CYB5R2: variants seen among roughly 807,000 people sequenced by gnomAD.
CYB5R2 encodes the protein NADH-cytochrome b5 reductase 2.
Under a neutral mutation model 29.8 loss-of-function variants are expected in CYB5R2, and 35 were observed. The ratio of observed to expected loss-of-function variants is 1.17; its 90% CI spans 0.90 to 1.56. The LOEUF is 1.56. Ranked by LOEUF, CYB5R2 falls within the 40% of genes most tolerant of loss-of-function variation. The pLI is 0.00. For synonymous variants in CYB5R2, 169 were observed against 130.6 expected (o/e 1.29, Z -2.01); for missense variants, 419 against 346.7 (o/e 1.21, Z -1.66).
intron 8 of CYB5R2, chr11:7,666,108 G>T (rs1855176087): frequency 3.2e-6 from 2 of 624,430 alleles, no homozygotes; most frequent in South Asian, 3.6e-5. Context: ...GCAGAAGGGT[G>T]AGTGGTGAAG....
chr11:7,666,182 G>T, intron 8 of CYB5R2: 2 of 597,748 alleles, frequency 3.3e-6, no homozygotes, highest in East Asian at 5.5e-5. Context: ...GTTCACAGTG[G>T]ACAGGGGCAG....
At chr11:7,667,665 G>T in intron 7 of CYB5R2, 63 bp downstream of exon 7, 1 of 1,457,914 alleles carries the variant, frequency 6.9e-7, no homozygotes, top group Non-Finnish European at 9.6e-7. Flanking sequence ...CAGGAGAAAT[G>T]AAAACAAGAG....
At position 7,665,780 on chromosome 11, in the gene CYB5R2, T is replaced by TGTCA. The variant is rs1487913310; in HGVS notation, c.659-238_659-235dup. 8 of 1,447,086 alleles carry TGTCA rather than the reference T, an allele frequency of 5.5e-6. No homozygotes were observed. The Admixed American group carries it at 6.1e-5, about 11-fold the overall frequency. The allele number at this position is 1,447,086 out of a possible 1,614,324, so 89.6% of individuals were successfully genotyped here. ...GGGACCCTGAAGCCCTGCTGCTGTC[T>TGTCA]GTCAGCTGTCAGCATTGACGAGGAA... On this transcript the variant is annotated intron_variant, in intron 8 of 8. Coordinates refer to ENST00000299498, the MANE Select transcript of CYB5R2 (RefSeq NM_016229.5).
intron 5 of CYB5R2, chr11:7,668,857 G>C (rs1172404332): frequency 1.7e-6 from 1 of 577,366 alleles, no homozygotes; most frequent in African/African-American, 1.9e-5. Context: ...CACTCACGGA[G>C]GTGAACCAGT....
At chr11:7,672,708 A>G (rs1855829029) in intron 2 of CYB5R2, 40 bp downstream of exon 2, 1 of 1,613,026 alleles carries the variant, frequency 6.2e-7, no homozygotes, top group East Asian at 2.2e-5. Context: ...CCCAGCCATC[A>G]TCCACTTACT....
chr11:7,672,606 G>A (rs540755199), intron 2 of CYB5R2, 83 bp from the exon 3 acceptor site: 185 of 1,475,582 alleles, frequency 1.3e-4, no homozygotes, highest in Middle Eastern at 1.0e-3. Context: ...AAGGAGGTCC[G>A]TTTGGCGCTA....
rs573580612 is a variant in CYB5R2, at chr11:7,665,211, G to C, written c.*163C>G. 3.5e-6 allele frequency: 2 copies of C among 566,920 alleles called. No homozygotes were observed. The highest frequency in any genetic ancestry group is 3.0e-6 in the Non-Finnish European group (1 of 335,328). 35.1% of individuals were successfully genotyped at this position (566,920 alleles called of 1,614,324 possible). A position where few individuals can be genotyped will look rare whatever the true frequency, so the allele number is the denominator to read the frequency against. On this transcript the variant is annotated 3_prime_UTR_variant, in exon 9 of 9. Coordinates refer to ENST00000299498, the MANE Select transcript of CYB5R2 (RefSeq NM_016229.5). ...CCCAGCAGCCAGTCTCCAGCCCCTT[G>C]AGCCCTTTTTGTTAGGCCCACACCC...
At chr11:7,669,180 G>A (rs1168412343) in intron 5 of CYB5R2, 25 bp downstream of exon 5, 4 of 1,613,930 alleles carry the variant, frequency 2.5e-6, no homozygotes, top group Non-Finnish European at 3.4e-6. Context: ...CCAGCTGGGA[G>A]CCCAAGTATT....
At chr11:7,669,582 G>C (rs571289166) in intron 4 of CYB5R2, 43 bp downstream of exon 4, 1 of 1,481,452 alleles carries the variant, frequency 6.8e-7, no homozygotes, top group African/African-American at 1.4e-5. Flanking sequence ...CCCTCAGTAG[G>C]CTTGGAAGCA....
rs1855444189 is a variant in CYB5R2 at position 7,668,065 on chromosome 11, C to T, written c.473-252G>A. Among the ~76,000 whole-genome samples, 2 of 152,236 alleles carry T rather than the reference C, an allele frequency of 1.3e-5. 1 individual carries two copies. The highest frequency in any genetic ancestry group is 4.1e-4 in the South Asian group (2 of 4,826). ...TAAGTTCTTCAGTGTCCTCATTCAT[C>T]AAACAATGACGGGTAAATGTGATCG... On this transcript the variant is annotated intron_variant, in intron 6 of 8. Transcript: ENST00000299498.
At chr11:7,672,561 C>G in intron 2 of CYB5R2, 38 bp from the exon 3 acceptor site, 1 of 1,606,290 alleles carries the variant, frequency 6.2e-7, no homozygotes, top group Non-Finnish European at 8.5e-7. Flanking sequence ...TGTCAGCTTT[C>G]TAGAAGCCTT....
chr11:7,667,707 GCA>G lies in CYB5R2; in HGVS notation c.558+19_558+20del. ...TCAGCAAACATTCCATCCTACCACT[GCA>G]AGCTCAGCAGGAACTGACCTGGTTG... On this transcript the variant is annotated intron_variant, in intron 7 of 8. Coordinates refer to ENST00000299498, the MANE Select transcript of CYB5R2 (RefSeq NM_016229.5). 1.9e-6 allele frequency: 3 copies of G among 1,594,578 alleles called. No individual in the cohort carries two copies. The highest frequency in any genetic ancestry group is 2.6e-6 in the Non-Finnish European group (3 of 1,162,230).
Position 7,672,847 on chromosome 11 carries a change from C to T in CYB5R2, c.-22G>A. ...TCATGCTCTTCAGGACCAACACGAG[C>T]ACAGTGACCCCAGTGACGGTGATGG... On this transcript the variant is annotated 5_prime_UTR_variant, in exon 2 of 9. Coordinates refer to ENST00000299498, the MANE Select transcript of CYB5R2 (RefSeq NM_016229.5). 6.2e-7 allele frequency: 1 copy of T among 1,614,104 alleles called. No individual in the cohort carries two copies. The highest frequency in any genetic ancestry group is 8.5e-7 in the Non-Finnish European group (1 of 1,179,984).
chr11:7,667,508 C>T (rs1855376402), intron 7 of CYB5R2: 3 of 511,386 alleles, frequency 5.9e-6, no homozygotes, highest in South Asian at 6.0e-5. Context: ...ATGCTTAGTG[C>T]TTAGGGCTGG....
intron 3 of CYB5R2, chr11:7,670,070 AC>A: frequency 3.8e-6 from 1 of 259,742 alleles, no homozygotes. Flanking sequence ...ATTAAAAATT[AC>A]AGAAAGGGGT....
At chr11:7,671,951 ACT>A (rs1565156674) in intron 3 of CYB5R2, 3 of 155,420 alleles carry the variant, frequency 1.9e-5, no homozygotes, top group Non-Finnish European at 4.3e-5. Flanking sequence ...GGCACACCTG[ACT>A]CATTCCTGCC....
At chr11:7,672,552 G>T in intron 2 of CYB5R2, 29 bp from the exon 3 acceptor site, 2 of 1,611,454 alleles carry the variant, frequency 1.2e-6, no homozygotes, top group Non-Finnish European at 1.7e-6. Context: ...GGCAGGTTCT[G>T]TCAGCTTTCT....
At chr11:7,667,460 T>G (rs1333823082) in intron 7 of CYB5R2, 1 of 317,328 alleles carries the variant, frequency 3.2e-6, no homozygotes, top group East Asian at 5.3e-5. Context: ...ATTTTACACT[T>G]AGCAAAAATA....
rs1474586846 is a variant in CYB5R2 at position 7,669,656 on chromosome 11, T to C, written c.227A>G (p.Asp76Gly). The change falls in exon 4 of 9, where the codon GAT (aspartate) becomes GGT (glycine). Residue 76 changes from aspartate (D) to glycine (G), a missense_variant. By Grantham distance (94) the Asp-to-Gly change is moderately conservative. Transcript: ENST00000299498. Reference protein sequence around the residue: ...VRAYTPVSSDDDRGFVDLIIK... With the variant: ...VRAYTPVSSDGDRGFVDLIIK... ...AATTAGGTCCACAAAGCCTCTGTCATCATCACTGGAGACAGGGGTGTAAGC... is the reference window on the plus strand; with the variant it reads ...AATTAGGTCCACAAAGCCTCTGTCACCATCACTGGAGACAGGGGTGTAAGC... 1 of 1,610,294 alleles carries C rather than the reference T, an allele frequency of 6.2e-7. No individual in the cohort carries two copies. Among genetic ancestry groups the C allele is most frequent in the Non-Finnish European group, 8.5e-7 (1 of 1,178,572 alleles).
Sources: allele counts gnomAD v4.1 joint callset (sites outside exome capture counted in the v4.1 genomes callset), GRCh38; gene constraint gnomAD v4.1.1; transcripts MANE v1.5; gene names NCBI Gene and HGNC (gene_info 2026-07-23, HGNC 2026-07-21).